Variants in PDE11A observed in about 807,000 individuals in gnomAD.
PDE11A encodes phosphodiesterase 11A.
Under a neutral mutation model 100.5 loss-of-function variants are expected in PDE11A, and 100 were observed. The observed-to-expected ratio is 1.00, with a 90% CI of 0.85 to 1.18. PDE11A has a LOEUF of 1.18. PDE11A is among the 50% of genes most tolerant of loss of function. PDE11A has a pLI of 0.00. For missense variants in PDE11A, 1,141 were observed against 1,152.6 expected, an observed-to-expected ratio of 0.99 and a Z score of 0.15; for synonymous variants, 381 against 420.8, an observed-to-expected ratio of 0.91 and a Z score of 1.16.
chr2:177,773,862 A>G (rs1400778270), intron 9 of PDE11A, among the ~76,000 whole-genome samples: 1 of 152,216 alleles, frequency 6.6e-6, no homozygotes, highest in Admixed American at 6.5e-5. Flanking sequence ...GGAAGATGGT[A>G]GCATTGTTCC....
rs987806079 is a variant in PDE11A at position 178,053,448 on chromosome 2, T to C, written c.912+18078A>G. On this transcript the variant is annotated intron_variant, in intron 1 of 19. Coordinates refer to ENST00000286063, the MANE Select transcript of PDE11A (RefSeq NM_016953.4). ...AACTGGAAGCATTCCCTTTGAAAACTGGCAGAAGACAGGGATGCCCTCTCT... is the reference window on the plus strand; with the variant it reads ...AACTGGAAGCATTCCCTTTGAAAACCGGCAGAAGACAGGGATGCCCTCTCT... 8.5e-5 allele frequency among the ~76,000 whole-genome samples: 13 copies of C among 152,288 alleles called. 1 individual carries two copies. The highest frequency in any genetic ancestry group is 3.1e-4 in the African/African-American group (13 of 41,552).
intron 4 of PDE11A, among the ~76,000 whole-genome samples, chr2:177,880,459 C>T (rs2084312069): frequency 6.6e-6 from 1 of 152,200 alleles, no homozygotes; most frequent in Admixed American, 6.5e-5. Context: ...GAGACATTGA[C>T]ACTATCCATG....
At chr2:178,002,843 T>C (rs1450540268) in intron 2 of PDE11A, among the ~76,000 whole-genome samples, 3 of 152,206 alleles carry the variant, frequency 2.0e-5, no homozygotes, top group Admixed American at 1.3e-4. Context: ...TGAGTTCATA[T>C]ACTGCTACTG....
intron 2 of PDE11A, among the ~76,000 whole-genome samples, chr2:177,981,111 T>C (rs868469282): frequency 6.6e-6 from 1 of 150,452 alleles, no homozygotes; most frequent in African/African-American, 2.4e-5. Context: ...TAACCTCCAG[T>C]AAGCTAGTTA....
intron 2 of PDE11A, among the ~76,000 whole-genome samples, chr2:177,926,713 C>G (rs1159839579): frequency 6.6e-6 from 1 of 152,094 alleles, no homozygotes; most frequent in Non-Finnish European, 1.5e-5. Flanking sequence ...AAATGTGGTA[C>G]AGATAATATT....
intron 10 of PDE11A, among the ~76,000 whole-genome samples, chr2:177,744,875 C>A (rs1312342584): frequency 6.6e-6 from 1 of 152,182 alleles, no homozygotes; most frequent in Non-Finnish European, 1.5e-5. Flanking sequence ...TTGTTTTATT[C>A]CTTCTGCCAT....
chr2:178,045,980 G>C (rs1214541362), intron 1 of PDE11A, among the ~76,000 whole-genome samples: 1 of 152,174 alleles, frequency 6.6e-6, no homozygotes, highest in African/African-American at 2.4e-5. Context: ...AATCTAAACA[G>C]AGATGGATAA....
chr2:177,845,712 T>C (rs1047651127), intron 5 of PDE11A, among the ~76,000 whole-genome samples: 9 of 151,924 alleles, frequency 5.9e-5, no homozygotes, highest in African/African-American at 2.2e-4. Context: ...CAAGCCGAGA[T>C]CAAGCCACTG....
intron 2 of PDE11A, among the ~76,000 whole-genome samples, chr2:177,955,885 C>A (rs2085555625): frequency 6.6e-6 from 1 of 152,128 alleles, no homozygotes. Context: ...GGATCCCTTC[C>A]TTAAACCTTA....
intron 17 of PDE11A, among the ~76,000 whole-genome samples, chr2:177,671,828 T>G (rs920309889): frequency 1.3e-5 from 2 of 152,142 alleles, no homozygotes; most frequent in Non-Finnish European, 2.9e-5. Context: ...GCCTAAAATA[T>G]CAAGGCAGAA....
intron 2 of PDE11A, among the ~76,000 whole-genome samples, chr2:178,102,943 G>A (rs1279599485): frequency 6.6e-6 from 1 of 152,096 alleles, no homozygotes; most frequent in East Asian, 1.9e-4. Flanking sequence ...GTGTCATTAT[G>A]AGAAAATGGT....
chr2:178,070,210 T>C (rs1026225489), intron 1 of PDE11A, among the ~76,000 whole-genome samples: 56 of 152,208 alleles, frequency 3.7e-4, no homozygotes, highest in African/African-American at 1.4e-3. Context: ...CCAAGAAAGA[T>C]ACAATGAATA....
chr2:178,059,889 G>A (rs1433075254), intron 1 of PDE11A, among the ~76,000 whole-genome samples: 1 of 152,190 alleles, frequency 6.6e-6, no homozygotes, highest in Non-Finnish European at 1.5e-5. Flanking sequence ...TGCAGTGACT[G>A]GATGGGACTG....
At chr2:178,045,134 A>G (rs542590609) in intron 1 of PDE11A, among the ~76,000 whole-genome samples, 156 of 152,204 alleles carry the variant, frequency 1.0e-3, no homozygotes, top group African/African-American at 3.8e-3. Context: ...TATACACTAG[A>G]GCTTCAGGTT....
At chr2:177,830,647 A>AATC (rs1447628617) in intron 6 of PDE11A, among the ~76,000 whole-genome samples, 63 of 128,854 alleles carry the variant, frequency 4.9e-4, no homozygotes, top group African/African-American at 1.6e-3. Context: ...TAATAATAAT[A>AATC]ATCAGGTGTT....
chr2:177,909,594 C>T (rs1314423065), intron 2 of PDE11A, among the ~76,000 whole-genome samples: 1 of 152,178 alleles, frequency 6.6e-6, no homozygotes, highest in African/African-American at 2.4e-5. Context: ...CCTGTTAAGG[C>T]CTTCCAAATG....
Position 177,658,733 on chromosome 2 carries a change from T to A in PDE11A, c.2646+5133A>T, listed in dbSNP as rs867234345. ...TTGAGTGGTGTCTTTTTTTTTTTTT[T>A]TAATATCTGATGAAGTTGTTTTTAG... is the stretch of plus-strand genomic sequence containing the variant. On this transcript the variant is annotated intron_variant, in intron 19 of 19. Transcript: ENST00000286063. Among the ~76,000 whole-genome samples, 877 of 150,268 alleles carry A rather than the reference T, an allele frequency of 5.8e-3. 7 individuals are homozygous for A. Among genetic ancestry groups the A allele is most frequent in the African/African-American group, 0.02 (812 of 40,778 alleles).
intron 10 of PDE11A, among the ~76,000 whole-genome samples, chr2:177,729,391 C>T (rs910760052): frequency 6.6e-6 from 1 of 152,142 alleles, no homozygotes; most frequent in Non-Finnish European, 1.5e-5. Flanking sequence ...AGTTTTCATC[C>T]TAGGATATTC....
In PDE11A at chr2:177,766,891, T is replaced by G. The variant is rs377448867; in HGVS notation, c.1788+2432A>C. Reference sequence around the variant, plus strand: ...TCAGTTAAATTATTAATCTTGATAATTTTAAGATAAAATAACCCTTTGTTC... The same window carrying G: ...TCAGTTAAATTATTAATCTTGATAAGTTTAAGATAAAATAACCCTTTGTTC... On this transcript the variant is annotated intron_variant, in intron 10 of 19. Coordinates refer to ENST00000286063, the MANE Select transcript of PDE11A (RefSeq NM_016953.4). Among the ~76,000 whole-genome samples, 11 of 152,360 alleles carry G rather than the reference T, an allele frequency of 7.2e-5. No homozygotes were observed. The East Asian group carries it at 1.7e-3, about 24-fold the overall frequency.
Sources: gnomAD v4.1 joint callset for allele counts (sites outside exome capture counted in the v4.1 genomes callset) on GRCh38, gnomAD v4.1.1 for gene constraint, MANE v1.5 for transcripts, NCBI Gene and HGNC (gene_info 2026-07-23, HGNC 2026-07-21) for gene names.